CREB1: variants seen among roughly 807,000 people sequenced by gnomAD.
CREB1 encodes cyclic AMP-responsive element-binding protein 1.
Under a neutral mutation model 42.0 loss-of-function variants are expected in CREB1, and 2 were observed. That is an observed-to-expected ratio of 0.05 (90% CI 0.02 to 0.15). CREB1 has a LOEUF of 0.15. Ranked by LOEUF, CREB1 falls within the 10% of genes least tolerant of loss-of-function variation. The pLI is 1.00. For missense variants in CREB1, 199 were observed against 388.9 expected (o/e 0.51, Z 4.11); for synonymous variants, 123 against 139.9 (o/e 0.88, Z 0.85).
intron 1 of CREB1, chr2:207,534,540 C>T (rs1037547613): frequency 2.6e-5 from 4 of 152,186 alleles, no homozygotes; most frequent in South Asian, 2.1e-4. Context: ...ATATGTAATA[C>T]AGTGGGTCAG....
At chr2:207,538,202 T>A (rs1050465037) in intron 1 of CREB1, among the ~76,000 whole-genome samples, 1 of 151,842 alleles carries the variant, frequency 6.6e-6, no homozygotes, top group African/African-American at 2.4e-5. Context: ...TGTTTCCTCA[T>A]TTGTCTTCTA....
chr2:207,554,460 C>A (rs965093275), intron 1 of CREB1, among the ~76,000 whole-genome samples: 2 of 152,162 alleles, frequency 1.3e-5, no homozygotes, highest in African/African-American at 2.4e-5. Context: ...GGTAGTCCCT[C>A]ACTATTAACA....
intron 3 of CREB1, among the ~76,000 whole-genome samples, chr2:207,560,810 A>C (rs1432805284): frequency 2.6e-5 from 4 of 152,220 alleles, no homozygotes; most frequent in Non-Finnish European, 4.4e-5. Context: ...AAGCATTTGT[A>C]AAATCAGCTG....
chr2:207,561,967 A>T (rs1418708762), intron 3 of CREB1, among the ~76,000 whole-genome samples: 2 of 152,188 alleles, frequency 1.3e-5, no homozygotes, highest in Non-Finnish European at 2.9e-5. Flanking sequence ...TTTGTGTGAA[A>T]TCATCAGTTG....
At chr2:207,557,094 C>T (rs1007602052) in intron 2 of CREB1, among the ~76,000 whole-genome samples, 24 of 151,904 alleles carry the variant, frequency 1.6e-4, no homozygotes, top group African/African-American at 5.1e-4. Flanking sequence ...ACTGAGATTG[C>T]GCCACTGCAT....
At chr2:207,561,468 T>C (rs1042892077) in intron 3 of CREB1, among the ~76,000 whole-genome samples, 4 of 152,194 alleles carry the variant, frequency 2.6e-5, no homozygotes, top group Non-Finnish European at 4.4e-5. Context: ...TAAAATATTC[T>C]TCTCTGTGAT....
At chr2:207,533,720 A>G (rs2080751267) in intron 1 of CREB1, among the ~76,000 whole-genome samples, 1 of 151,610 alleles carries the variant, frequency 6.6e-6, no homozygotes. Flanking sequence ...TTTTTTTCTT[A>G]CCCATGTGTA....
At chr2:207,543,250 A>C (rs1234402473) in intron 1 of CREB1, among the ~76,000 whole-genome samples, 5 of 152,130 alleles carry the variant, frequency 3.3e-5, no homozygotes, top group Non-Finnish European at 5.9e-5. Flanking sequence ...TTTGATCTGC[A>C]GTTGGTTGAA....
At chr2:207,585,393 A>G (rs2083640787) in intron 7 of CREB1, among the ~76,000 whole-genome samples, 1 of 152,192 alleles carries the variant, frequency 6.6e-6, no homozygotes, top group African/African-American at 2.4e-5. Context: ...TCAAATCCAG[A>G]GCACCCTACC....
intron 7 of CREB1, among the ~76,000 whole-genome samples, chr2:207,587,181 C>T (rs1248290431): frequency 2.6e-5 from 4 of 152,110 alleles, no homozygotes; most frequent in Non-Finnish European, 5.9e-5. Flanking sequence ...ATCACAAGGT[C>T]AGGAGATCGA....
chr2:207,573,864 TG>T (rs1375172798), intron 5 of CREB1, among the ~76,000 whole-genome samples: 1 of 152,238 alleles, frequency 6.6e-6, no homozygotes, highest in Non-Finnish European at 1.5e-5. Context: ...AAGAAGAAAG[TG>T]GTATGTTAAA....
At chr2:207,548,290 A>G (rs1226768837) in intron 1 of CREB1, among the ~76,000 whole-genome samples, 1 of 152,150 alleles carries the variant, frequency 6.6e-6, no homozygotes, top group Non-Finnish European at 1.5e-5. Context: ...TTTGTCATAG[A>G]ATATGCTACA....
intron 1 of CREB1, 34 bp from the exon 2 acceptor site, chr2:207,555,592 CTG>C (rs751134810): frequency 8.8e-6 from 12 of 1,365,204 alleles, no homozygotes; most frequent in South Asian, 1.2e-5. Flanking sequence ...GCACAAAGCA[CTG>C]TGGTGCTTGT....
intron 7 of CREB1, among the ~76,000 whole-genome samples, chr2:207,583,332 C>T (rs900090355): frequency 6.6e-6 from 1 of 152,122 alleles, no homozygotes; most frequent in Non-Finnish European, 1.5e-5. Context: ...GCTTTAACCA[C>T]GTGGCTCATT....
chr2:207,546,922 G>A (rs1324736973), intron 1 of CREB1, among the ~76,000 whole-genome samples: 2 of 152,098 alleles, frequency 1.3e-5, no homozygotes, highest in East Asian at 3.8e-4. Flanking sequence ...TGTAATAAAA[G>A]TAATTAGCAT....
rs1298904301 is a variant in CREB1, at chr2:207,601,818, A to G, written c.*4760A>G. On this transcript the variant is annotated 3_prime_UTR_variant, in exon 8 of 8. Transcript: ENST00000353267. Reference sequence around the variant, plus strand: ...GCTGTAGGTGAAGAGTTGTGAGATAAATAGTTCACTCAGTTGTACAAAGCA... The same window carrying G: ...GCTGTAGGTGAAGAGTTGTGAGATAGATAGTTCACTCAGTTGTACAAAGCA... 1 of 219,258 alleles carries G rather than the reference A, an allele frequency of 4.6e-6. No individual in the cohort carries two copies. Among genetic ancestry groups the G allele is most frequent in the African/African-American group, 2.2e-5 (1 of 44,582 alleles). 13.6% of individuals were successfully genotyped at this position (219,258 alleles called of 1,614,324 possible).
chr2:207,603,431 CTG>C lies in CREB1; in HGVS notation c.*6375_*6376del, dbSNP rs769961472. 185 of 224,792 alleles carry C rather than the reference CTG, an allele frequency of 8.2e-4. No homozygotes were observed. Among genetic ancestry groups the C allele is most frequent in the African/African-American group, 1.8e-3 (82 of 45,030 alleles). 13.9% of individuals were successfully genotyped at this position (224,792 alleles called of 1,614,324 possible). ...TCACATAAACATGCTTTTAAAAACTCTGTAAGTCTCTTTTTTGGGGATGGGAT... is the reference window on the plus strand; with the variant it reads ...TCACATAAACATGCTTTTAAAAACTCTAAGTCTCTTTTTTGGGGATGGGAT... On this transcript the variant is annotated 3_prime_UTR_variant, in exon 8 of 8. Transcript: ENST00000353267.
chr2:207,561,991 A>G (rs2081974327), intron 3 of CREB1, among the ~76,000 whole-genome samples: 1 of 152,178 alleles, frequency 6.6e-6, no homozygotes, highest in Non-Finnish European at 1.5e-5. Flanking sequence ...CAATTTCCAT[A>G]AGACACTGGG....
intron 7 of CREB1, among the ~76,000 whole-genome samples, chr2:207,587,272 A>G (rs2084032349): frequency 6.6e-6 from 1 of 152,010 alleles, no homozygotes; most frequent in Non-Finnish European, 1.5e-5. Context: ...GGGTGCCTGT[A>G]GTCCCAGCTA....
Sources: gnomAD v4.1 joint callset for allele counts (sites outside exome capture counted in the v4.1 genomes callset) on GRCh38, gnomAD v4.1.1 for gene constraint, MANE v1.5 for transcripts, NCBI Gene and HGNC (gene_info 2026-07-23, HGNC 2026-07-21) for gene names.